Variants in LIN9 observed in about 807,000 individuals in gnomAD.
LIN9 encodes lin-9 DREAM MuvB core complex component, also known as protein lin-9 homolog.
Under a neutral mutation model 78.0 loss-of-function variants are expected in LIN9, and 18 were observed. That is an observed-to-expected ratio of 0.23 (90% CI 0.16 to 0.34). LIN9 has a LOEUF of 0.34. LIN9 is among the 10% of genes least tolerant of loss of function. The pLI, the probability that LIN9 is intolerant of heterozygous loss-of-function variation, is 1.00. For synonymous variants in LIN9, 192 were observed against 215.2 expected (o/e 0.89, Z 0.94); for missense variants, 451 against 644.1 (o/e 0.70, Z 3.25).
intron 11 of LIN9, among the ~76,000 whole-genome samples, chr1:226,241,027 T>C (rs1658073572): frequency 6.6e-6 from 1 of 152,154 alleles, no homozygotes; most frequent in African/African-American, 2.4e-5. Context: ...TCTGCTACTA[T>C]AGATCTGAAG....
intron 1 of LIN9, among the ~76,000 whole-genome samples, chr1:226,304,381 T>C (rs1662766027): frequency 6.6e-6 from 1 of 152,160 alleles, no homozygotes; most frequent in South Asian, 2.1e-4. Context: ...AAAAATTTTA[T>C]TGAATGCCTA....
chr1:226,251,948 C>CAGCT (rs1658858828), intron 10 of LIN9, among the ~76,000 whole-genome samples: 1 of 152,088 alleles, frequency 6.6e-6, no homozygotes, highest in South Asian at 2.1e-4. Context: ...TAATCAATGG[C>CAGCT]AGCTAACATT....
Position 226,296,225 on chromosome 1 carries a change from G to A in LIN9, c.160-279C>T, listed in dbSNP as rs141004643. On this transcript the variant is annotated intron_variant, in intron 3 of 14. Coordinates refer to ENST00000681046, the MANE Select transcript of LIN9 (RefSeq NM_001366245.2). ...TCTCCTTAGTACACTGGCAGCCTTG[G>A]ACAGTGATGATAGGAAAATAAGTTC... Among the ~76,000 whole-genome samples the A allele has an allele frequency of 5.7e-3, 870 of 152,298 alleles. 2 individuals carry two copies. Among genetic ancestry groups the A allele is most frequent in the Non-Finnish European group, 9.5e-3 (644 of 68,024 alleles).
At chr1:226,279,224 T>C (rs975576915) in intron 6 of LIN9, among the ~76,000 whole-genome samples, 6 of 151,908 alleles carry the variant, frequency 3.9e-5, no homozygotes, top group South Asian at 4.2e-4. Flanking sequence ...TCCTGGCACT[T>C]TGTAGTCCGA....
chr1:226,265,899 G>C lies in LIN9; in HGVS notation c.937-265C>G, dbSNP rs973601073. 6.6e-6 allele frequency among the ~76,000 whole-genome samples: 1 copy of C among 151,726 alleles called. No individual in the cohort carries two copies. Among genetic ancestry groups the C allele is most frequent in the Admixed American group, 6.6e-5 (1 of 15,234 alleles). The stretch of plus-strand genomic sequence containing the variant: ...TCACCATGTTGATCAGGTTGGTCTC[G>C]AACTCCTGACCTCGTGATCCGCCTG... On this transcript the variant is annotated intron_variant, in intron 9 of 14. Coordinates refer to ENST00000681046, the MANE Select transcript of LIN9 (RefSeq NM_001366245.2). The surrounding 1 kb of genome is among the most constrained non-coding windows in gnomAD (Gnocchi z 4.1).
At chr1:226,269,070 G>A (rs1660103352) in intron 7 of LIN9, among the ~76,000 whole-genome samples, 1 of 152,126 alleles carries the variant, frequency 6.6e-6, no homozygotes, top group African/African-American at 2.4e-5. Flanking sequence ...CAAACATCCA[G>A]CATGAGTAAA....
chr1:226,286,539 C>T, intron 5 of LIN9, 81 bp from the exon 6 acceptor site: 1 of 1,033,798 alleles, frequency 9.7e-7, no homozygotes, highest in Middle Eastern at 3.1e-4. Context: ...AAATGCTAAA[C>T]TTTCACTTCT....
chr1:226,286,088 T>C (rs1309420138), intron 6 of LIN9, among the ~76,000 whole-genome samples: 1 of 152,210 alleles, frequency 6.6e-6, no homozygotes, highest in Non-Finnish European at 1.5e-5. Context: ...AATGTACTAA[T>C]GATACTAACA....
rs570042114 is a variant in LIN9, at chr1:226,305,334, A to C, written c.31+3775T>G. On this transcript the variant is annotated intron_variant, in intron 1 of 14. Coordinates refer to ENST00000681046, the MANE Select transcript of LIN9 (RefSeq NM_001366245.2). ...AAAAAAGAAAAAAAAAAAAAAAAAA[A>C]AAAAAAACCTTAGTTGGGCATGGTG... 3.8e-3 allele frequency among the ~76,000 whole-genome samples: 572 copies of C among 150,198 alleles called. 23 individuals are homozygous for C. In the South Asian group the frequency reaches 0.072, roughly 19 times the overall value.
At chr1:226,277,754 A>C in intron 7 of LIN9, 21 bp downstream of exon 7, 1 of 1,600,188 alleles carries the variant, frequency 6.2e-7, no homozygotes, top group African/African-American at 1.3e-5. Flanking sequence ...TCAAAAGAGT[A>C]ATTAGCTTGT....
At chr1:226,237,409 G>A (rs1421449559) in intron 12 of LIN9, among the ~76,000 whole-genome samples, 1 of 151,878 alleles carries the variant, frequency 6.6e-6, no homozygotes, top group Non-Finnish European at 1.5e-5. Flanking sequence ...GAGGCAGGCG[G>A]ATCACCTGAG....
intron 10 of LIN9, among the ~76,000 whole-genome samples, chr1:226,256,290 T>C (rs546347102): frequency 6.6e-6 from 1 of 152,104 alleles, no homozygotes; most frequent in South Asian, 2.1e-4. Context: ...GATAAGAACT[T>C]CATCTGACTT....
At chr1:226,250,171 A>G (rs902561067) in intron 11 of LIN9, among the ~76,000 whole-genome samples, 2 of 142,260 alleles carry the variant, frequency 1.4e-5, no homozygotes, top group Non-Finnish European at 1.5e-5. Flanking sequence ...TCCATCTCAG[A>G]AAAAAAAAAA....
In LIN9 at chr1:226,275,691, C is replaced by CAAAAAAAAAAAAAAAAAA. The variant is rs1315376373; in HGVS notation, c.682+2083_682+2084insTTTTTTTTTTTTTTTTTT. On this transcript the variant is annotated intron_variant, in intron 7 of 14. Transcript: ENST00000681046. Reference sequence around the variant, plus strand: ...CTGGCAACAGAGCAAGACTCCGTCTCAGAAAAAAAAAAAAAAAAAAAGAAA... The same window carrying CAAAAAAAAAAAAAAAAAA: ...CTGGCAACAGAGCAAGACTCCGTCTCAAAAAAAAAAAAAAAAAAAGAAAAAAAAAAAAAAAAAAAGAAA... 1.2e-4 allele frequency among the ~76,000 whole-genome samples: 5 copies of CAAAAAAAAAAAAAAAAAA among 43,424 alleles called. 1 individual carries two copies. Among genetic ancestry groups the CAAAAAAAAAAAAAAAAAA allele is most frequent in the South Asian group, 7.6e-4 (1 of 1,316 alleles). The allele number at this position is 43,424 out of a possible 152,430, so 28.5% of individuals were successfully genotyped here. A position where few individuals can be genotyped will look rare whatever the true frequency, so the allele number is the denominator to read the frequency against.
chr1:226,262,646 G>A (rs926198284), intron 10 of LIN9, among the ~76,000 whole-genome samples: 1 of 152,306 alleles, frequency 6.6e-6, no homozygotes, highest in Admixed American at 6.5e-5. Flanking sequence ...AAATGCTAAC[G>A]AGGATGTGGA....
At chr1:226,274,111 G>C (rs568617160) in intron 7 of LIN9, among the ~76,000 whole-genome samples, 2 of 152,146 alleles carry the variant, frequency 1.3e-5, no homozygotes, top group Admixed American at 1.3e-4. Flanking sequence ...GGGATTACAG[G>C]CATGACCCAC....
chr1:226,267,500 C>G (rs545269823), intron 8 of LIN9, among the ~76,000 whole-genome samples: 1 of 149,958 alleles, frequency 6.7e-6, no homozygotes, highest in African/African-American at 2.4e-5. Flanking sequence ...GAATAAATTA[C>G]GCAATTGTAC....
chr1:226,280,618 C>T (rs1660987749), intron 6 of LIN9, among the ~76,000 whole-genome samples: 3 of 151,976 alleles, frequency 2.0e-5, no homozygotes, highest in Non-Finnish European at 4.4e-5. Flanking sequence ...CTACCAAAAA[C>T]ACAAAAATTA....
chr1:226,267,728 A>G (rs1660021249), intron 8 of LIN9, among the ~76,000 whole-genome samples: 1 of 152,186 alleles, frequency 6.6e-6, no homozygotes, highest in South Asian at 2.1e-4. Context: ...TGGTTATACT[A>G]AAGTGCTGTG....
Sources: allele counts gnomAD v4.1 joint callset (sites outside exome capture counted in the v4.1 genomes callset), GRCh38; gene constraint gnomAD v4.1.1; non-coding constraint Gnocchi (gnomAD v3.1); transcripts MANE v1.5; gene names NCBI Gene and HGNC (gene_info 2026-07-23, HGNC 2026-07-21).